Variants in NIPBL observed in about 807,000 individuals in gnomAD.
NIPBL encodes the protein nipped-B-like protein.
In NIPBL, 19 loss-of-function variants were observed where a neutral mutation model predicts 321.8. That is an observed-to-expected ratio of 0.06 (90% CI 0.04 to 0.09). The LOEUF (loss-of-function observed/expected upper bound fraction) is 0.09. Among genes scored for constraint, NIPBL ranks in the 10% least tolerant of loss-of-function variants. The pLI is 1.00. For synonymous variants in NIPBL, 1,106 were observed against 1,114.1 expected (o/e 0.99, Z 0.14); for missense variants, 2,210 against 3,327.0 (o/e 0.66, Z 8.26).
chr5:36,976,263 G>A lies in NIPBL; in HGVS notation c.1356G>A (p.Val452=). 6.2e-7 allele frequency: 1 copy of A among 1,613,650 alleles called. No individual in the cohort carries two copies. Among genetic ancestry groups the A allele is most frequent in the Non-Finnish European group, 8.5e-7 (1 of 1,179,816 alleles). The change falls in exon 9 of 47, where the codon GTG becomes GTA. Residue 452 remains valine, a synonymous_variant. Transcript: ENST00000282516. ...SVAAKQPQTS[V]VQNQQQISQQ... is the part of the protein sequence containing the mutation. ...CTGCAAAACAACCCCAGACTTCTGTGGTACAGAATCAACAACAGATATCAC... is the reference window on the plus strand; with the variant it reads ...CTGCAAAACAACCCCAGACTTCTGTAGTACAGAATCAACAACAGATATCAC...
chr5:36,885,362 A>T, intron 1 of NIPBL: 1 of 463,748 alleles, frequency 2.2e-6, no homozygotes, highest in Non-Finnish European at 4.2e-6. Flanking sequence ...CTGTTCCACC[A>T]GCTTCCGCGG....
intron 1 of NIPBL, among the ~76,000 whole-genome samples, chr5:36,905,489 C>T (rs868744130): frequency 5.3e-5 from 8 of 152,076 alleles, no homozygotes; most frequent in Non-Finnish European, 7.4e-5. Flanking sequence ...GTGAGTGAGG[C>T]GGTTTCCCCT....
intron 6 of NIPBL, among the ~76,000 whole-genome samples, chr5:36,964,759 A>G (rs541416450): frequency 2.0e-4 from 30 of 152,324 alleles, no homozygotes; most frequent in African/African-American, 7.0e-4. Context: ...AGAATGGGAG[A>G]AAATATTTGC....
chr5:36,956,953 C>G (rs1390490018), intron 3 of NIPBL, among the ~76,000 whole-genome samples: 2 of 151,866 alleles, frequency 1.3e-5, no homozygotes, highest in East Asian at 3.9e-4. Context: ...CTTGTACATA[C>G]TTATTCAGTA....
At chr5:36,969,935 G>A (rs1246585524) in intron 6 of NIPBL, among the ~76,000 whole-genome samples, 1 of 152,122 alleles carries the variant, frequency 6.6e-6, no homozygotes, top group African/African-American at 2.4e-5. Context: ...GGCACCTAGA[G>A]CTCTTACACA....
rs1325351078 is a variant in NIPBL, at chr5:37,014,220, TGGAGAG to T, written c.4561-445_4561-440del. On this transcript the variant is annotated intron_variant, in intron 21 of 46. Coordinates refer to ENST00000282516, the MANE Select transcript of NIPBL (RefSeq NM_133433.4). ...TGGAAAGAGAGGGAGAGGGAGACCG[TGGAGAG>T]GGAGAGGGAGAGGGAGAAGGAGAGG... Among the ~76,000 whole-genome samples, 44 of 149,206 alleles carry T rather than the reference TGGAGAG, an allele frequency of 2.9e-4. 1 individual carries two copies. The highest frequency in any genetic ancestry group is 4.3e-4 in the South Asian group (2 of 4,678).
intron 1 of NIPBL, among the ~76,000 whole-genome samples, chr5:36,946,243 G>A (rs1739657994): frequency 6.6e-6 from 1 of 151,882 alleles, no homozygotes; most frequent in Admixed American, 6.6e-5. Flanking sequence ...TCTTAGCATA[G>A]TATGTTAACA....
chr5:36,972,594 C>T (rs1742984524), intron 8 of NIPBL, among the ~76,000 whole-genome samples: 1 of 152,100 alleles, frequency 6.6e-6, no homozygotes, highest in Non-Finnish European at 1.5e-5. Flanking sequence ...TCTTTGGCTC[C>T]AGTCTTGTCT....
At chr5:36,901,101 C>G (rs1747173872) in intron 1 of NIPBL, among the ~76,000 whole-genome samples, 1 of 152,146 alleles carries the variant, frequency 6.6e-6, no homozygotes, top group Admixed American at 6.5e-5. Flanking sequence ...CACCCTTCTC[C>G]CACCCTCAAG....
chr5:37,050,323 G>A (rs1285309701), intron 40 of NIPBL, among the ~76,000 whole-genome samples: 1 of 151,924 alleles, frequency 6.6e-6, no homozygotes, highest in African/African-American at 2.4e-5. Context: ...AATTAGCCAG[G>A]TGTGGTGGCA....
intron 3 of NIPBL, among the ~76,000 whole-genome samples, chr5:36,957,112 T>C (rs989822308): frequency 2.0e-5 from 3 of 152,258 alleles, no homozygotes; most frequent in Non-Finnish European, 4.4e-5. Flanking sequence ...TTAGATCCAA[T>C]GAGTAGAACA....
intron 31 of NIPBL, 35 bp from the exon 32 acceptor site, chr5:37,027,324 A>G (rs777868626): frequency 6.7e-7 from 1 of 1,486,612 alleles, no homozygotes; most frequent in East Asian, 2.3e-5. Context: ...ATTTATAAAT[A>G]TACTTCTAAC....
At chr5:36,920,143 G>A (rs1748818548) in intron 1 of NIPBL, among the ~76,000 whole-genome samples, 1 of 151,918 alleles carries the variant, frequency 6.6e-6, no homozygotes, top group Admixed American at 6.6e-5. Context: ...GATTTCATGG[G>A]ATTAAAAAAA....
intron 1 of NIPBL, among the ~76,000 whole-genome samples, chr5:36,950,684 G>A (rs1740187978): frequency 6.6e-6 from 1 of 152,046 alleles, no homozygotes; most frequent in South Asian, 2.1e-4. Context: ...CTTCTTTACA[G>A]TTTGGTTGCA....
chr5:36,925,502 G>T lies in NIPBL; in HGVS notation c.-79-28116G>T, dbSNP rs962331496. Among the ~76,000 whole-genome samples, 3 of 152,152 alleles carry T rather than the reference G, an allele frequency of 2.0e-5. No homozygotes were observed. The East Asian group carries it at 5.8e-4, about 29-fold the overall frequency. ...GTTGGTCTCGAACTCCCGACCTCAG[G>T]TGATCCATCCACCTCGGCCTCCCAA... is the stretch of plus-strand genomic sequence containing the variant. On this transcript the variant is annotated intron_variant, in intron 1 of 46. Coordinates refer to ENST00000282516, the MANE Select transcript of NIPBL (RefSeq NM_133433.4).
chr5:37,008,098 A>G lies in NIPBL; in HGVS notation c.4320+10A>G, dbSNP rs750395094. On this transcript the variant is annotated intron_variant, in intron 19 of 46. Transcript: ENST00000282516. ...TAAGTTAGTCACTGCAGTAAGTATA[A>G]TCAATTTGTATTTTTAGTTACCCCA... 6.5e-7 allele frequency: 1 copy of G among 1,546,402 alleles called. No individual in the cohort carries two copies. Among genetic ancestry groups the G allele is most frequent in the East Asian group, 2.3e-5 (1 of 44,380 alleles).
chr5:37,016,947 T>A (rs1749066456), intron 23 of NIPBL, 72 bp from the exon 24 acceptor site: 2 of 1,064,864 alleles, frequency 1.9e-6, no homozygotes, highest in African/African-American at 3.2e-5. Flanking sequence ...AGATTGGGAA[T>A]TTATATGATA....
chr5:37,048,436 T>A, intron 38 of NIPBL, 66 bp from the exon 39 acceptor site: 39 of 957,256 alleles, frequency 4.1e-5, no homozygotes, highest in East Asian at 6.8e-5. Context: ...TTTATTAACA[T>A]ATTTATTAAA....
rs1342549115 is a variant in NIPBL at position 36,985,652 on chromosome 5, A to C, written c.2472A>C (p.Ser824=). 35 of 1,613,892 alleles carry C rather than the reference A, an allele frequency of 2.2e-5. No individual in the cohort carries two copies. Among genetic ancestry groups the C allele is most frequent in the Non-Finnish European group, 2.7e-5 (32 of 1,179,986 alleles). Residue 824 remains serine (S), a synonymous_variant, in exon 10 of 47, where the codon TCA becomes TCC. Transcript: ENST00000282516. ...LRRDHDNKQK[S]DDRGESERHR... Reference sequence around the variant, plus strand: ...GTGACCATGATAATAAACAAAAATCAGATGACAGGGGTGAATCAGAGCGAC... The same window carrying C: ...GTGACCATGATAATAAACAAAAATCCGATGACAGGGGTGAATCAGAGCGAC...
Sources: allele counts gnomAD v4.1 joint callset (sites outside exome capture counted in the v4.1 genomes callset), GRCh38; gene constraint gnomAD v4.1.1; transcripts MANE v1.5; gene names NCBI Gene and HGNC (gene_info 2026-07-23, HGNC 2026-07-21).